The following REEP3 variants were observed in gnomAD, a reference collection of about 807,000 sequenced individuals.
REEP3 encodes receptor expression-enhancing protein 3.
REEP3 carries 20 observed loss-of-function variants against 41.3 expected under a neutral mutation model. That is an observed-to-expected ratio of 0.48 (90% CI 0.34 to 0.70). The LOEUF is 0.70. Among genes scored for constraint, REEP3 ranks in the 30% least tolerant of loss-of-function variants. REEP3 has a pLI of 0.01. For missense variants in REEP3, 271 were observed against 308.8 expected (o/e 0.88, Z 0.92); for synonymous variants, 104 against 101.8 (o/e 1.02, Z -0.13).
intron 2 of REEP3, among the ~76,000 whole-genome samples, chr10:63,573,181 A>G (rs1184567370): frequency 6.6e-6 from 1 of 152,234 alleles, no homozygotes; most frequent in Admixed American, 6.5e-5. Flanking sequence ...AAACAAATGG[A>G]AAGTACTGTG....
intron 1 of REEP3, among the ~76,000 whole-genome samples, chr10:63,527,534 A>C (rs1017591296): frequency 2.0e-5 from 3 of 151,984 alleles, no homozygotes; most frequent in African/African-American, 7.2e-5. Context: ...CAAAAAAATT[A>C]GCTGGGCGTG....
chr10:63,613,054 G>A (rs1043565718), intron 6 of REEP3, among the ~76,000 whole-genome samples: 1 of 151,200 alleles, frequency 6.6e-6, no homozygotes, highest in East Asian at 2.0e-4. Flanking sequence ...CTCTGTCACC[G>A]AGGCTGGTGT....
At chr10:63,548,654 T>G (rs1415608246) in intron 1 of REEP3, among the ~76,000 whole-genome samples, 1 of 152,122 alleles carries the variant, frequency 6.6e-6, no homozygotes, top group Non-Finnish European at 1.5e-5. Context: ...TGCTGAAAAT[T>G]TAAAGATCAG....
chr10:63,620,917 A>G lies in REEP3; in HGVS notation c.*48A>G, dbSNP rs1956349080. 1 of 1,163,734 alleles carries G rather than the reference A, an allele frequency of 8.6e-7. No homozygotes were observed. The highest frequency in any genetic ancestry group is 1.3e-6 in the Non-Finnish European group (1 of 792,782). 72.1% of individuals were successfully genotyped at this position (1,163,734 alleles called of 1,614,324 possible). A position where few individuals can be genotyped will look rare whatever the true frequency, so the allele number is the denominator to read the frequency against. ...AAGACAGATTATGCTAAATACATCGACTTCATCTTCTAACATGATATATTC... is the reference window on the plus strand; with the variant it reads ...AAGACAGATTATGCTAAATACATCGGCTTCATCTTCTAACATGATATATTC... On this transcript the variant is annotated 3_prime_UTR_variant, in exon 8 of 8. Coordinates refer to ENST00000373758, the MANE Select transcript of REEP3 (RefSeq NM_001001330.3).
intron 2 of REEP3, among the ~76,000 whole-genome samples, chr10:63,575,697 G>A (rs1157389922): frequency 6.6e-6 from 1 of 151,994 alleles, no homozygotes; most frequent in Non-Finnish European, 1.5e-5. Context: ...CTGAGAATAT[G>A]ACTGACAGTT....
chr10:63,601,332 T>G (rs1956170122), intron 5 of REEP3, among the ~76,000 whole-genome samples: 1 of 152,182 alleles, frequency 6.6e-6, no homozygotes, highest in African/African-American at 2.4e-5. Context: ...AGAAATTTCT[T>G]AATTCTAGGC....
chr10:63,569,898 G>A (rs1331814656), intron 2 of REEP3, among the ~76,000 whole-genome samples: 2 of 151,974 alleles, frequency 1.3e-5, no homozygotes, highest in South Asian at 2.1e-4. Flanking sequence ...ACATGATCCC[G>A]CCACTGCACT....
chr10:63,582,992 C>CTTTTTTTTTTTTTTTTTTTT (rs1391434567), intron 2 of REEP3, among the ~76,000 whole-genome samples: 9 of 151,686 alleles, frequency 5.9e-5, no homozygotes, highest in Non-Finnish European at 4.4e-5. Flanking sequence ...AGTTTTTTTT[C>CTTTTTTTTTTTTTTTTTTTT]TTTTTTGTTT....
intron 6 of REEP3, among the ~76,000 whole-genome samples, chr10:63,617,000 T>A (rs950105923): frequency 2.6e-5 from 4 of 151,460 alleles, no homozygotes; most frequent in Non-Finnish European, 5.9e-5. Flanking sequence ...ATATGTACAT[T>A]TTTTTTTTCC....
At position 63,610,322 on chromosome 10, in the gene REEP3, A is replaced by C; in HGVS notation, c.553A>C (p.Ser185Arg). 1 of 1,554,774 alleles carries C rather than the reference A, an allele frequency of 6.4e-7. No homozygotes were observed. The highest frequency in any genetic ancestry group is 8.7e-7 in the Non-Finnish European group (1 of 1,148,266). ...AAAAAAGAAAAGTAAACCAGCCCCC[A>C]GTGAATCAGCAGGTGTGCTTGTGTG... Reference protein sequence around the residue: ...EAKKKSKPAPSESAGYGIPLK... With the variant: ...EAKKKSKPAPRESAGYGIPLK... Residue 185 changes from serine to arginine, a missense_variant, in exon 6 of 8, where the codon AGT becomes CGT. Ser to Arg is a moderately radical substitution (Grantham distance 110). Coordinates refer to ENST00000373758, the MANE Select transcript of REEP3 (RefSeq NM_001001330.3).
chr10:63,532,734 C>T (rs1026167158), intron 1 of REEP3, among the ~76,000 whole-genome samples: 7 of 151,304 alleles, frequency 4.6e-5, no homozygotes, highest in African/African-American at 1.7e-4. Context: ...CCTGTCTCTA[C>T]AAAAAGTACA....
At chr10:63,599,102 A>T in intron 4 of REEP3, 68 bp from the exon 5 acceptor site, 1 of 720,950 alleles carries the variant, frequency 1.4e-6, no homozygotes, top group Non-Finnish European at 2.4e-6. Flanking sequence ...TATAGGGAGA[A>T]TGTTCTAGTT....
intron 1 of REEP3, among the ~76,000 whole-genome samples, chr10:63,543,941 GAC>G (rs1234049857): frequency 6.6e-6 from 1 of 152,208 alleles, no homozygotes; most frequent in African/African-American, 2.4e-5. Context: ...AAAGCAAACA[GAC>G]ACAGAAAGGT....
chr10:63,595,769 G>C (rs1956108875), intron 3 of REEP3, among the ~76,000 whole-genome samples: 1 of 152,094 alleles, frequency 6.6e-6, no homozygotes, highest in Non-Finnish European at 1.5e-5. Flanking sequence ...ATAGAGACGG[G>C]GTTTCACCAT....
intron 2 of REEP3, among the ~76,000 whole-genome samples, chr10:63,580,922 G>T (rs568279842): frequency 3.3e-5 from 5 of 152,240 alleles, no homozygotes; most frequent in African/African-American, 1.2e-4. Context: ...TAAAACAAGA[G>T]AATCACCTGA....
In REEP3 at chr10:63,536,388, C is replaced by T. The variant is rs529163480; in HGVS notation, c.32+14811C>T. Among the ~76,000 whole-genome samples, 10 of 152,294 alleles carry T rather than the reference C, an allele frequency of 6.6e-5. No individual in the cohort carries two copies. The East Asian group carries it at 1.9e-3, about 29-fold the overall frequency. ...GTTGAATGTCCATTTCTATTACATT[C>T]ACCATTCCTGATAATAATTTTATCT... On this transcript the variant is annotated intron_variant, in intron 1 of 7. Transcript: ENST00000373758.
intron 2 of REEP3, among the ~76,000 whole-genome samples, chr10:63,572,963 C>G (rs958431754): frequency 6.6e-6 from 1 of 152,194 alleles, no homozygotes; most frequent in Admixed American, 6.5e-5. Flanking sequence ...AGGGAGAATA[C>G]AGTCCAGTCT....
chr10:63,604,619 T>C (rs1354958881), intron 5 of REEP3, among the ~76,000 whole-genome samples: 3 of 152,126 alleles, frequency 2.0e-5, no homozygotes, highest in African/African-American at 7.2e-5. Context: ...TGTGAATGGC[T>C]TTGAGGATAT....
intron 1 of REEP3, among the ~76,000 whole-genome samples, chr10:63,545,715 T>G: frequency 8.5e-6 from 1 of 118,062 alleles, no homozygotes; most frequent in African/African-American, 3.4e-5. Flanking sequence ...TGAGATGGAG[T>G]CTTGCTCTGT....
Sources: allele counts gnomAD v4.1 joint callset (sites outside exome capture counted in the v4.1 genomes callset), GRCh38; gene constraint gnomAD v4.1.1; transcripts MANE v1.5; gene names NCBI Gene and HGNC (gene_info 2026-07-23, HGNC 2026-07-21).